The following FARS2 variants were observed in gnomAD, a reference collection of about 807,000 sequenced individuals.
FARS2 encodes phenylalanyl-tRNA synthetase 2, mitochondrial, also known as phenylalanine--tRNA ligase, mitochondrial.
FARS2 carries 40 observed loss-of-function variants against 46.4 expected under a neutral mutation model. The observed-to-expected ratio is 0.86, with a 90% CI of 0.67 to 1.12. The LOEUF is 1.12. Among genes scored for constraint, FARS2 ranks in the 50% most tolerant of loss-of-function variants. FARS2 has a pLI of 0.00. For synonymous variants in FARS2, 234 were observed against 214.9 expected (o/e 1.09, Z -0.78); for missense variants, 513 against 567.9 (o/e 0.90, Z 0.98).
chr6:5,388,573 C>G (rs1760286483), intron 2 of FARS2, among the ~76,000 whole-genome samples: 1 of 152,120 alleles, frequency 6.6e-6, no homozygotes, highest in Admixed American at 6.5e-5. Context: ...CTGTTCTTTT[C>G]TGGCTAACAC....
At chr6:5,747,269 C>T (rs758031955) in intron 6 of FARS2, among the ~76,000 whole-genome samples, 6 of 152,288 alleles carry the variant, frequency 3.9e-5, no homozygotes, top group East Asian at 1.9e-4. Context: ...AGTGGGAAGA[C>T]GCTAGAAGAT....
intron 6 of FARS2, among the ~76,000 whole-genome samples, chr6:5,754,155 T>C (rs1399740821): frequency 6.6e-6 from 1 of 152,238 alleles, no homozygotes; most frequent in Non-Finnish European, 1.5e-5. Context: ...CACATATATC[T>C]ATCTGACTTA....
chr6:5,751,389 G>T (rs1483917036), intron 6 of FARS2, among the ~76,000 whole-genome samples: 2 of 152,168 alleles, frequency 1.3e-5, no homozygotes, highest in Admixed American at 1.3e-4. Flanking sequence ...GCAAGCAGTA[G>T]ACACCATTTT....
At chr6:5,507,662 G>T (rs1354582118) in intron 4 of FARS2, among the ~76,000 whole-genome samples, 1 of 152,160 alleles carries the variant, frequency 6.6e-6, no homozygotes, top group East Asian at 1.9e-4. Context: ...CAGAACTTAT[G>T]ATTTGAGCTT....
At chr6:5,412,369 T>G (rs1025964992) in intron 3 of FARS2, among the ~76,000 whole-genome samples, 9 of 152,248 alleles carry the variant, frequency 5.9e-5, no homozygotes, top group Non-Finnish European at 1.2e-4. Flanking sequence ...AAAGGCTTCA[T>G]TGGCCTGACT....
intron 4 of FARS2, among the ~76,000 whole-genome samples, chr6:5,506,731 G>C (rs1392320108): frequency 3.3e-5 from 5 of 152,178 alleles, no homozygotes; most frequent in African/African-American, 1.2e-4. Flanking sequence ...CATGGCAACT[G>C]GTGAGAAAGG....
chr6:5,738,626 G>GT (rs1298753416), intron 6 of FARS2, among the ~76,000 whole-genome samples: 2 of 152,070 alleles, frequency 1.3e-5, no homozygotes, highest in East Asian at 1.9e-4. Context: ...GCTTAAAGTA[G>GT]TTTTTTTAAT....
At chr6:5,534,177 A>G (rs1339529431) in intron 4 of FARS2, among the ~76,000 whole-genome samples, 1 of 152,202 alleles carries the variant, frequency 6.6e-6, no homozygotes, top group Non-Finnish European at 1.5e-5. Context: ...GAAAAAATAT[A>G]TGTATGTTGT....
chr6:5,682,047 G>C (rs184929658), intron 6 of FARS2, among the ~76,000 whole-genome samples: 43 of 152,144 alleles, frequency 2.8e-4, no homozygotes, highest in Non-Finnish European at 4.9e-4. Context: ...GGACACTTCC[G>C]ACTCTACCTC....
chr6:5,736,510 G>C (rs11243033), intron 6 of FARS2, among the ~76,000 whole-genome samples: 74,104 of 152,022 alleles, frequency 0.49, 18,938 homozygotes, highest in East Asian at 0.81. Flanking sequence ...AAAGACCAGC[G>C]CAAATAGGGC....
intron 6 of FARS2, among the ~76,000 whole-genome samples, chr6:5,725,530 A>G (rs1760194809): frequency 6.6e-6 from 1 of 152,244 alleles, no homozygotes; most frequent in Non-Finnish European, 1.5e-5. Context: ...CCTGTGCCTC[A>G]GTTTCTACAT....
chr6:5,577,772 CTTTTA>C (rs1424595321), intron 5 of FARS2, among the ~76,000 whole-genome samples: 1 of 116,660 alleles, frequency 8.6e-6, no homozygotes, highest in Non-Finnish European at 1.9e-5. Flanking sequence ...GCCATTGTAT[CTTTTA>C]TTTATTTATT....
rs375609503 is a variant in FARS2 at position 5,664,013 on chromosome 6, C to G, written c.1217+50693C>G. ...GTTCACAGCTCAGATCTGTGGCCCCCCTGGCCTCCTCAGCCCCTCTGAACA... is the reference window on the plus strand; with the variant it reads ...GTTCACAGCTCAGATCTGTGGCCCCGCTGGCCTCCTCAGCCCCTCTGAACA... On this transcript the variant is annotated intron_variant, in intron 6 of 6. Coordinates refer to ENST00000274680, the MANE Select transcript of FARS2 (RefSeq NM_006567.5). Among the ~76,000 whole-genome samples the G allele has an allele frequency of 2.7e-4, 41 of 152,334 alleles. 1 individual carries two copies. The South Asian group carries it at 5.0e-3, about 19-fold the overall frequency.
intron 4 of FARS2, among the ~76,000 whole-genome samples, chr6:5,512,205 G>C (rs192804781): frequency 1.3e-5 from 2 of 152,122 alleles, no homozygotes; most frequent in East Asian, 1.9e-4. Flanking sequence ...GGAGGCCCGG[G>C]GGGTGGGCTT....
At chr6:5,293,013 C>T (rs946024914) in intron 1 of FARS2, among the ~76,000 whole-genome samples, 29 of 152,154 alleles carry the variant, frequency 1.9e-4, no homozygotes, top group Non-Finnish European at 5.9e-5. Context: ...CAATGCCGCA[C>T]AGAATTCAAG....
chr6:5,440,499 T>C (rs1763780456), intron 4 of FARS2, among the ~76,000 whole-genome samples: 1 of 152,222 alleles, frequency 6.6e-6, no homozygotes, highest in African/African-American at 2.4e-5. Flanking sequence ...CTGGGATAAG[T>C]TTATAAAAGT....
chr6:5,542,742 C>T (rs1277529146), intron 4 of FARS2, among the ~76,000 whole-genome samples: 2 of 152,178 alleles, frequency 1.3e-5, no homozygotes, highest in Non-Finnish European at 2.9e-5. Context: ...TCATTCCCAC[C>T]CAATAATTTA....
At chr6:5,558,571 C>T (rs955611894) in intron 5 of FARS2, among the ~76,000 whole-genome samples, 6 of 152,074 alleles carry the variant, frequency 3.9e-5, no homozygotes, top group Non-Finnish European at 8.8e-5. Context: ...GAGTCTCTCT[C>T]TGTCCCCCAG....
At chr6:5,740,602 C>T (rs760198684) in intron 6 of FARS2, among the ~76,000 whole-genome samples, 5 of 152,102 alleles carry the variant, frequency 3.3e-5, no homozygotes, top group Admixed American at 1.3e-4. Flanking sequence ...CAAAAGCCCC[C>T]GTTTCCAGAT....
Sources: gnomAD v4.1 joint callset for allele counts (sites outside exome capture counted in the v4.1 genomes callset) on GRCh38, gnomAD v4.1.1 for gene constraint, MANE v1.5 for transcripts, NCBI Gene and HGNC (gene_info 2026-07-23, HGNC 2026-07-21) for gene names.